Variants in LARS2 observed in about 807,000 individuals in gnomAD.
LARS2 encodes leucine--tRNA ligase, mitochondrial.
In LARS2, 81 loss-of-function variants were observed where a neutral mutation model predicts 116.6. The ratio of observed to expected loss-of-function variants is 0.69; its 90% CI spans 0.58 to 0.84. The LOEUF (loss-of-function observed/expected upper bound fraction) is 0.84, where lower values mean the gene tolerates loss of function less well. Among genes scored for constraint, LARS2 ranks in the 40% least tolerant of loss-of-function variants. The pLI, the probability that LARS2 is intolerant of heterozygous loss-of-function variation, is 0.00. For synonymous variants in LARS2, 396 were observed against 407.2 expected (o/e 0.97, Z 0.33); for missense variants, 968 against 1,114.5 (o/e 0.87, Z 1.87).
intron 16 of LARS2, among the ~76,000 whole-genome samples, chr3:45,514,636 C>G (rs1405028877): frequency 6.6e-6 from 1 of 152,226 alleles, no homozygotes; most frequent in East Asian, 1.9e-4. Context: ...AAGAACCAAG[C>G]CAAGGCTGTG....
At chr3:45,454,364 C>T (rs994674106) in intron 7 of LARS2, among the ~76,000 whole-genome samples, 1 of 152,082 alleles carries the variant, frequency 6.6e-6, no homozygotes, top group Non-Finnish European at 1.5e-5. Flanking sequence ...AAAATGCTTC[C>T]TAAATGCTTC....
intron 8 of LARS2, among the ~76,000 whole-genome samples, chr3:45,462,428 AAAAAGAAAG>A (rs1699344923): frequency 1.5e-5 from 2 of 134,956 alleles, no homozygotes; most frequent in Admixed American, 7.7e-5. Flanking sequence ...CCAAAAAAAA[AAAAAGAAAG>A]AAAGAAAGAA....
In LARS2 at chr3:45,527,965, G is replaced by A. The variant is rs1377085068; in HGVS notation, c.2404+3857G>A. Among the ~76,000 whole-genome samples, 3 of 152,306 alleles carry A rather than the reference G, an allele frequency of 2.0e-5. No individual in the cohort carries two copies. The East Asian group carries it at 5.8e-4, about 29-fold the overall frequency. On this transcript the variant is annotated intron_variant, in intron 20 of 21. Transcript: ENST00000645846. ...GTCAGACCAGTTCCCAGATGATAAG[G>A]ACTGAGAATAAAAATCCCCTAACCA... is the stretch of plus-strand genomic sequence containing the variant.
At chr3:45,411,799 A>G (rs1031229974) in intron 4 of LARS2, among the ~76,000 whole-genome samples, 24 of 152,122 alleles carry the variant, frequency 1.6e-4, no homozygotes, top group African/African-American at 3.9e-4. Flanking sequence ...CCAGATACTA[A>G]GCCTAGTACC....
chr3:45,500,467 T>A lies in LARS2; in HGVS notation c.1648T>A (p.Tyr550Asn). Residue 550 changes from tyrosine to asparagine, a missense_variant, in exon 15 of 22, where the codon TAC becomes AAC. By Grantham distance (143) the Tyr-to-Asn change is moderately radical. Coordinates refer to ENST00000645846, the MANE Select transcript of LARS2 (RefSeq NM_015340.4). The part of the protein sequence containing the change: ...HSPFNTAVAD[Y>N]WMPVDLYIGG... ...CCCTTTTAACACAGCAGTGGCCGAT[T>A]ACTGGATGCCTGTGGATTTGTACAT... The A allele has an allele frequency of 6.2e-7, 1 of 1,606,372 alleles. No homozygotes were observed. Among genetic ancestry groups the A allele is most frequent in the Non-Finnish European group, 8.5e-7 (1 of 1,177,792 alleles).
intron 7 of LARS2, among the ~76,000 whole-genome samples, chr3:45,450,679 T>C (rs1699113311): frequency 6.6e-6 from 1 of 152,276 alleles, no homozygotes; most frequent in African/African-American, 2.4e-5. Context: ...ACAATAAGCA[T>C]AGAAGTGCAG....
chr3:45,533,485 C>T (rs183384284), intron 20 of LARS2, among the ~76,000 whole-genome samples: 44 of 152,286 alleles, frequency 2.9e-4, no homozygotes, highest in Admixed American at 1.7e-3. Context: ...TTAATTCTGT[C>T]GTAGTCTTTT....
chr3:45,484,260 A>G (rs1699755653), intron 10 of LARS2, among the ~76,000 whole-genome samples: 1 of 152,062 alleles, frequency 6.6e-6, no homozygotes, highest in Non-Finnish European at 1.5e-5. Flanking sequence ...CATGGCAAGT[A>G]TTATAAATAG....
chr3:45,496,164 C>A, intron 13 of LARS2, 111 bp from the exon 14 acceptor site: 1 of 858,378 alleles, frequency 1.2e-6, no homozygotes, highest in Non-Finnish European at 1.9e-6. Flanking sequence ...CAGCCTGTGG[C>A]TTTATTCTTA....
At position 45,400,314 on chromosome 3, in the gene LARS2, G is replaced by C. The variant is rs1698122292; in HGVS notation, c.304G>C (p.Val102Leu). The C allele has an allele frequency of 6.2e-7, 1 of 1,613,952 alleles. No homozygotes were observed. Among genetic ancestry groups the C allele is most frequent in the African/African-American group, 1.3e-5 (1 of 74,918 alleles). The change falls in exon 4 of 22, where the codon GTG becomes CTG. Residue 102 changes from valine (V) to leucine (L), a missense_variant. Coordinates refer to ENST00000645846, the MANE Select transcript of LARS2 (RefSeq NM_015340.4). ...TTCTGGTAAGCTGCACATGGGCCATGTGCGTGTCTACACCATCAGCGACAC... is the reference window on the plus strand; with the variant it reads ...TTCTGGTAAGCTGCACATGGGCCATCTGCGTGTCTACACCATCAGCGACAC... ...YPSGKLHMGHVRVYTISDTIA... is the reference protein window; with the variant it reads ...YPSGKLHMGHLRVYTISDTIA...
intron 20 of LARS2, among the ~76,000 whole-genome samples, chr3:45,528,844 A>G (rs941657931): frequency 6.8e-6 from 1 of 147,830 alleles, no homozygotes; most frequent in African/African-American, 2.5e-5. Flanking sequence ...ACATATATTT[A>G]TGGGCCATTA....
chr3:45,406,879 C>T lies in LARS2; in HGVS notation c.363+6506C>T, dbSNP rs13077192. On this transcript the variant is annotated intron_variant, in intron 4 of 21. Coordinates refer to ENST00000645846, the MANE Select transcript of LARS2 (RefSeq NM_015340.4). ...AGAATGCCTGATGACATATTTAAAA[C>T]TTAGCTCCATATGGTGATTTTGTTG... Among the ~76,000 whole-genome samples, 128 of 152,296 alleles carry T rather than the reference C, an allele frequency of 8.4e-4. No homozygotes were observed. In the South Asian group the frequency reaches 9.5e-3, roughly 11 times the overall value.
intron 20 of LARS2, among the ~76,000 whole-genome samples, chr3:45,537,876 G>A (rs1700731721): frequency 6.6e-6 from 1 of 152,196 alleles, no homozygotes; most frequent in Non-Finnish European, 1.5e-5. Context: ...TATTCTGCAG[G>A]AAAGTCTGCA....
intron 11 of LARS2, 94 bp downstream of exon 11, chr3:45,485,890 T>C (rs955167747): frequency 1.5e-6 from 1 of 679,344 alleles, no homozygotes; most frequent in South Asian, 2.0e-5. Context: ...GAGCTGACTA[T>C]AGATTCCATG....
chr3:45,419,832 G>A, intron 6 of LARS2, 103 bp downstream of exon 6: 1 of 916,258 alleles, frequency 1.1e-6, no homozygotes, highest in Non-Finnish European at 1.8e-6. Context: ...AAGGGTGGGA[G>A]GCAGGAAGCA....
At chr3:45,490,897 A>G (rs1699903498) in intron 12 of LARS2, among the ~76,000 whole-genome samples, 1 of 152,262 alleles carries the variant, frequency 6.6e-6, no homozygotes, top group Non-Finnish European at 1.5e-5. Context: ...CCTGCTGTCT[A>G]TAAAACGGGA....
intron 14 of LARS2, 65 bp downstream of exon 14, chr3:45,496,438 A>G: frequency 8.6e-7 from 1 of 1,166,322 alleles, no homozygotes; most frequent in South Asian, 1.2e-5. Flanking sequence ...AGCAAAGACC[A>G]AGATGGAATT....
intron 8 of LARS2, among the ~76,000 whole-genome samples, chr3:45,471,566 G>A (rs962936): frequency 0.84 from 127,908 of 152,158 alleles, 56,175 homozygotes; most frequent in East Asian, 0.98. Context: ...CTAGTGGCTC[G>A]GTAATGCTGG....
intron 15 of LARS2, among the ~76,000 whole-genome samples, chr3:45,501,253 A>G (rs1700116357): frequency 6.7e-6 from 1 of 149,414 alleles, no homozygotes; most frequent in Admixed American, 6.8e-5. Flanking sequence ...TGCCCCCTCC[A>G]ATTGTGTATC....
Sources: allele counts gnomAD v4.1 joint callset (sites outside exome capture counted in the v4.1 genomes callset), GRCh38; gene constraint gnomAD v4.1.1; transcripts MANE v1.5; gene names NCBI Gene and HGNC (gene_info 2026-07-23, HGNC 2026-07-21).